The following GGT1 variants were observed in gnomAD, a reference collection of about 807,000 sequenced individuals.
The protein encoded by GGT1 is glutathione hydrolase 1 proenzyme.
A neutral mutation model predicts 56.0 loss-of-function variants in GGT1; 21 were observed. The observed-to-expected ratio is 0.38, with a 90% CI of 0.27 to 0.54. The LOEUF is 0.54. GGT1 is among the 20% of genes least tolerant of loss of function. The pLI, the probability that GGT1 is intolerant of heterozygous loss-of-function variation, is 0.82. For missense variants in GGT1, 466 were observed against 787.0 expected, an observed-to-expected ratio of 0.59 and a Z score of 4.88; for synonymous variants, 238 against 342.6, an observed-to-expected ratio of 0.69 and a Z score of 3.37.
chr22:24,617,529 A>G (rs1038589090), intron 7 of GGT1, among the ~76,000 whole-genome samples: 1 of 152,098 alleles, frequency 6.6e-6, no homozygotes, highest in Non-Finnish European at 1.5e-5. Context: ...GGACAGACAC[A>G]CTTGGAAGTG....
rs5760504 is a variant in GGT1, at chr22:24,620,738, A to T, written c.576-175A>T. On this transcript the variant is annotated intron_variant, in intron 8 of 15. Coordinates refer to ENST00000400382, the MANE Select transcript of GGT1 (RefSeq NM_001288833.2). The surrounding 1 kb of genome is among the most constrained non-coding windows in gnomAD (Gnocchi z 5.6). ...GGCCATGTGTCCTGAGTGGCAAGGG[A>T]CACTAGGAAGCTCCCGGAAGGGACA... The T allele has an allele frequency of 7.4e-3, 10,784 of 1,459,150 alleles. 878 individuals carry two copies. The East Asian group carries it at 0.2, about 27-fold the overall frequency. 90.4% of individuals were successfully genotyped at this position (1,459,150 alleles called of 1,614,324 possible).
At position 24,605,395 on chromosome 22, in the gene GGT1, TATATTATATA is replaced by T. The variant is rs1247737288; in HGVS notation, c.-429+1883_-429+1892del. The stretch of plus-strand genomic sequence containing the variant: ...TTATATAATATTATAATATGTATTA[TATATTATATA>T]ATATTATATAATATGTATTATATAT... On this transcript the variant is annotated intron_variant, in intron 1 of 15. Coordinates refer to ENST00000400382, the MANE Select transcript of GGT1 (RefSeq NM_001288833.2). 3.0e-4 allele frequency among the ~76,000 whole-genome samples: 25 copies of T among 82,282 alleles called. 7 individuals carry two copies. The highest frequency in any genetic ancestry group is 8.0e-5 in the Non-Finnish European group (4 of 49,796). 54.0% of individuals were successfully genotyped at this position (82,282 alleles called of 152,430 possible). A position where few individuals can be genotyped will look rare whatever the true frequency, so the allele number is the denominator to read the frequency against.
intron 7 of GGT1, among the ~76,000 whole-genome samples, chr22:24,619,058 C>A (rs1048137285): frequency 5.9e-5 from 9 of 151,942 alleles, no homozygotes; most frequent in African/African-American, 2.2e-4. Context: ...GAGTTTGAGA[C>A]CAGTCTTGGC....
chr22:24,623,192 G>A lies in GGT1; in HGVS notation c.819G>A (p.Val273=). ...HPLNISLGDV[V]LYMPSAPLSG... ...TGAACATCAGCCTGGGAGACGTGGT[G>A]CTGTACATGCCCAGTGCGCCGCTCA... The change falls in exon 10 of 16, where the codon GTG becomes GTA. Residue 273 remains valine, a synonymous_variant. Coordinates refer to ENST00000400382, the MANE Select transcript of GGT1 (RefSeq NM_001288833.2). 6.3e-7 allele frequency: 1 copy of A among 1,593,162 alleles called. No homozygotes were observed. The highest frequency in any genetic ancestry group is 1.1e-5 in the South Asian group (1 of 89,846).
chr22:24,606,735 A>T (rs1046752712), intron 1 of GGT1, among the ~76,000 whole-genome samples: 1 of 152,076 alleles, frequency 6.6e-6, no homozygotes, highest in African/African-American at 2.4e-5. Flanking sequence ...ATGACAGGAC[A>T]GGCCTATGTG....
intron 1 of GGT1, among the ~76,000 whole-genome samples, chr22:24,604,578 C>T (rs1368181744): frequency 3.3e-5 from 5 of 152,082 alleles, no homozygotes; most frequent in African/African-American, 1.2e-4. Flanking sequence ...GCACATTTCT[C>T]GGGACAGGGA....
At chr22:24,597,538 G>A (rs781125815) in intron 1 of GGT1, among the ~76,000 whole-genome samples, 11 of 152,086 alleles carry the variant, frequency 7.2e-5, no homozygotes, top group Non-Finnish European at 1.3e-4. Flanking sequence ...AAAATTAGCT[G>A]GGTATGGTGG....
intron 1 of GGT1, among the ~76,000 whole-genome samples, chr22:24,596,742 CAAAAAAAAAA>C (rs57547019): frequency 9.2e-6 from 1 of 108,346 alleles, no homozygotes; most frequent in Non-Finnish European, 1.8e-5. Context: ...TACTAAAATA[CAAAAAAAAAA>C]AAAAAAAAAA....
intron 1 of GGT1, among the ~76,000 whole-genome samples, chr22:24,596,724 C>A (rs1190120528): frequency 4.4e-5 from 6 of 136,742 alleles, no homozygotes; most frequent in Non-Finnish European, 9.2e-5. Context: ...ATGGTGAAAC[C>A]CTGTCTCTAC....
At position 24,624,162 on chromosome 22, in the gene GGT1, T is replaced by A. The variant is rs1040014460; in HGVS notation, c.1020+246T>A. On this transcript the variant is annotated intron_variant, in intron 11 of 15. Coordinates refer to ENST00000400382, the MANE Select transcript of GGT1 (RefSeq NM_001288833.2). ...CCTACCTCAGGTCCTTTGCACATGC[T>A]GTGGTTCTCGAGTGCTCAGTGCTGA... The A allele has an allele frequency of 7.1e-6, 7 of 985,278 alleles. No individual in the cohort carries two copies. In the African/African-American group the frequency reaches 1.2e-4, roughly 17 times the overall value. 61.0% of individuals were successfully genotyped at this position (985,278 alleles called of 1,614,324 possible). A position where few individuals can be genotyped will look rare whatever the true frequency, so the allele number is the denominator to read the frequency against.
intron 1 of GGT1, among the ~76,000 whole-genome samples, chr22:24,596,426 A>G (rs1355310794): frequency 6.6e-6 from 1 of 152,112 alleles, no homozygotes; most frequent in African/African-American, 2.4e-5. Context: ...CTCTGAAACC[A>G]TCTACCCTAT....
At chr22:24,624,695 A>G (rs1569064657) in intron 11 of GGT1, 6 of 983,640 alleles carry the variant, frequency 6.1e-6, no homozygotes, top group Non-Finnish European at 7.2e-6. Flanking sequence ...TGCTGTTCCT[A>G]CAATGCTCCT....
Position 24,610,022 on chromosome 22 carries a change from G to T in GGT1, c.-301G>T. 1 of 465,994 alleles carries T rather than the reference G, an allele frequency of 2.1e-6. No homozygotes were observed. Among genetic ancestry groups the T allele is most frequent in the Non-Finnish European group, 4.4e-6 (1 of 225,782 alleles). The allele number at this position is 465,994 out of a possible 1,614,324, so 28.9% of individuals were successfully genotyped here. A position where few individuals can be genotyped will look rare whatever the true frequency, so the allele number is the denominator to read the frequency against. On this transcript the variant is annotated 5_prime_UTR_variant, in exon 3 of 16. Coordinates refer to ENST00000400382, the MANE Select transcript of GGT1 (RefSeq NM_001288833.2). ...TGGACAGTTCAGTGATTTGCCTGAG[G>T]CCCCACAGCAGGTGAGTGGCAAGTC... is the stretch of plus-strand genomic sequence containing the variant.
chr22:24,603,965 C>A (rs1601622236), intron 1 of GGT1, among the ~76,000 whole-genome samples: 1 of 151,882 alleles, frequency 6.6e-6, no homozygotes, highest in East Asian at 1.9e-4. Flanking sequence ...ATATATAGTT[C>A]TTTCGACAGG....
At position 24,617,295 on chromosome 22, in the gene GGT1, A is replaced by T. The variant is rs377446954; in HGVS notation, c.382+2168A>T. On this transcript the variant is annotated intron_variant, in intron 7 of 15. Coordinates refer to ENST00000400382, the MANE Select transcript of GGT1 (RefSeq NM_001288833.2). ...GGAGCTGGGGAGGCTGCAGCAAGTG[A>T]TCCAAGGGAAATGGCCCAGGTTGTG... is the stretch of plus-strand genomic sequence containing the variant. Among the ~76,000 whole-genome samples, 29 of 152,276 alleles carry T rather than the reference A, an allele frequency of 1.9e-4. No homozygotes were observed. The East Asian group carries it at 5.2e-3, about 27-fold the overall frequency.
the GGT1 span, chr22:24,589,273 G>A: frequency 8.0e-7 from 1 of 1,255,448 alleles, no homozygotes; most frequent in African/African-American, 1.6e-5. Context: ...CAGCTGTGGG[G>A]TGGAGGCTGC....
At position 24,620,665 on chromosome 22, in the gene GGT1, C is replaced by T. The variant is rs549084267; in HGVS notation, c.575+145C>T. On this transcript the variant is annotated intron_variant, in intron 8 of 15. Coordinates refer to ENST00000400382, the MANE Select transcript of GGT1 (RefSeq NM_001288833.2). This position sits in a 1 kb window ranked among gnomAD's most constrained non-coding sequence, Gnocchi z 5.6. ...GAGGAGATACAGACCCTTCCCACCA[C>T]GTGTGGGGACACATTCTGAGCGTGG... The T allele has an allele frequency of 7.5e-6, 11 of 1,466,532 alleles. No homozygotes were observed. The highest frequency in any genetic ancestry group is 2.6e-5 in the Admixed American group (1 of 38,254). The allele number at this position is 1,466,532 out of a possible 1,614,324, so 90.8% of individuals were successfully genotyped here.
intron 2 of GGT1, among the ~76,000 whole-genome samples, chr22:24,608,241 C>A (rs531628161): frequency 6.6e-6 from 1 of 152,164 alleles, no homozygotes; most frequent in Non-Finnish European, 1.5e-5. Flanking sequence ...TCCTCCGATC[C>A]GGGGACATCT....
At chr22:24,621,374 G>A (rs554665428) in intron 9 of GGT1, among the ~76,000 whole-genome samples, 181 of 152,150 alleles carry the variant, frequency 1.2e-3, no homozygotes, top group African/African-American at 3.3e-3. Flanking sequence ...GTGGCGGCTG[G>A]GCTGCAGATA....
Sources: allele counts gnomAD v4.1 joint callset (sites outside exome capture counted in the v4.1 genomes callset), GRCh38; gene constraint gnomAD v4.1.1; non-coding constraint Gnocchi (gnomAD v3.1); transcripts MANE v1.5; gene names NCBI Gene and HGNC (gene_info 2026-07-23, HGNC 2026-07-21).